CDH2: variants seen among roughly 807,000 people sequenced by gnomAD.
CDH2 encodes cadherin-2.
CDH2 carries 17 observed loss-of-function variants against 92.0 expected under a neutral mutation model. That is an observed-to-expected ratio of 0.18 (90% CI 0.13 to 0.28). CDH2 has a LOEUF of 0.28. Ranked by LOEUF, CDH2 falls within the 10% of genes least tolerant of loss-of-function variation. The pLI is 1.00. For synonymous variants in CDH2, 419 were observed against 415.9 expected (o/e 1.01, Z -0.09); for missense variants, 862 against 1,133.1 (o/e 0.76, Z 3.44).
intron 2 of CDH2, among the ~76,000 whole-genome samples, chr18:28,136,918 C>G: frequency 6.6e-6 from 1 of 152,108 alleles, no homozygotes; most frequent in East Asian, 1.9e-4. Flanking sequence ...TTTTAACAAG[C>G]TTCCCCAGAA....
intron 2 of CDH2, among the ~76,000 whole-genome samples, chr18:28,034,800 G>A (rs17445980): frequency 2.5e-3 from 386 of 152,000 alleles, no homozygotes; most frequent in Non-Finnish European, 4.5e-3. Context: ...TCAAAACTAC[G>A]GTGTTACAAT....
intron 2 of CDH2, among the ~76,000 whole-genome samples, chr18:28,103,826 T>C (rs2015276647): frequency 6.6e-6 from 1 of 152,166 alleles, no homozygotes; most frequent in Admixed American, 6.6e-5. Context: ...GCAAAGGACA[T>C]GAACTCATAC....
chr18:28,107,139 G>T (rs1440917892), intron 2 of CDH2, among the ~76,000 whole-genome samples: 1 of 151,890 alleles, frequency 6.6e-6, no homozygotes, highest in African/African-American at 2.4e-5. Flanking sequence ...CACCATTTCA[G>T]ACTACAAAAT....
chr18:27,975,953 C>A (rs979082686), intron 14 of CDH2, among the ~76,000 whole-genome samples: 12 of 152,192 alleles, frequency 7.9e-5, no homozygotes, highest in African/African-American at 2.9e-4. Flanking sequence ...AAATGCCTCT[C>A]TCTGACATCC....
At chr18:28,165,062 T>A (rs1434292994) in intron 1 of CDH2, among the ~76,000 whole-genome samples, 3 of 152,228 alleles carry the variant, frequency 2.0e-5, no homozygotes, top group South Asian at 4.1e-4. Flanking sequence ...CTCAAACTTA[T>A]TCAAACAATT....
At chr18:28,118,113 T>A (rs543528210) in intron 2 of CDH2, among the ~76,000 whole-genome samples, 115 of 149,896 alleles carry the variant, frequency 7.7e-4, no homozygotes, top group Middle Eastern at 3.4e-3. Context: ...TTTTTTTTTT[T>A]AAATATATCC....
At chr18:28,175,286 G>C (rs530910706) in intron 1 of CDH2, among the ~76,000 whole-genome samples, 2 of 152,214 alleles carry the variant, frequency 1.3e-5, no homozygotes, top group African/African-American at 4.8e-5. Context: ...TAATAGTTCT[G>C]AAATCCCCGA....
intron 1 of CDH2, among the ~76,000 whole-genome samples, chr18:28,158,643 T>C (rs1308250870): frequency 1.3e-5 from 2 of 152,000 alleles, no homozygotes; most frequent in African/African-American, 2.4e-5. Context: ...CTCCTAGGAG[T>C]TCCCACGACC....
At chr18:28,150,308 A>T (rs1421964918) in intron 1 of CDH2, among the ~76,000 whole-genome samples, 1 of 152,196 alleles carries the variant, frequency 6.6e-6, no homozygotes, top group Admixed American at 6.5e-5. Context: ...GGGGGCGTTC[A>T]GGGTAGTAGA....
intron 1 of CDH2, among the ~76,000 whole-genome samples, chr18:28,148,468 T>C (rs1163978869): frequency 6.6e-6 from 1 of 152,202 alleles, no homozygotes; most frequent in African/African-American, 2.4e-5. Flanking sequence ...CTCAGTGTGC[T>C]TAAAACTCAG....
rs566866665 is a variant in CDH2 at position 28,155,221 on chromosome 18, G to A, written c.61-7437C>T. Among the ~76,000 whole-genome samples the A allele has an allele frequency of 7.9e-5, 12 of 152,254 alleles. No homozygotes were observed. The East Asian group carries it at 2.1e-3, about 27-fold the overall frequency. ...CCAGCCTCCACCATCTACTACCTGT[G>A]TGACCTTGGCAAGCCATGTAACCTC... is the stretch of plus-strand genomic sequence containing the variant. On this transcript the variant is annotated intron_variant, in intron 1 of 15. Transcript: ENST00000269141.
intron 2 of CDH2, among the ~76,000 whole-genome samples, chr18:28,073,784 TCTA>T (rs1021738975): frequency 6.6e-6 from 1 of 152,162 alleles, no homozygotes; most frequent in African/African-American, 2.4e-5. Context: ...AGTTTGATAT[TCTA>T]CTAGCCATGT....
chr18:28,047,256 T>C (rs2014095070), intron 2 of CDH2, among the ~76,000 whole-genome samples: 1 of 152,154 alleles, frequency 6.6e-6, no homozygotes, highest in Admixed American at 6.6e-5. Flanking sequence ...GAGATACTGA[T>C]TAAAATTAGA....
intron 2 of CDH2, among the ~76,000 whole-genome samples, chr18:28,056,857 A>C (rs2014302619): frequency 6.6e-6 from 1 of 152,208 alleles, no homozygotes; most frequent in Non-Finnish European, 1.5e-5. Context: ...AGCACTGTCA[A>C]ATAAAAGTGA....
At chr18:27,938,162 C>T (rs972402487) in intron 6 of CDH2, among the ~76,000 whole-genome samples, 3 of 152,058 alleles carry the variant, frequency 2.0e-5, no homozygotes, top group South Asian at 2.1e-4. Context: ...GCTGGCTCCC[C>T]CTTCGCCTTC....
At chr18:28,149,509 C>T (rs2016088348) in intron 1 of CDH2, among the ~76,000 whole-genome samples, 1 of 152,068 alleles carries the variant, frequency 6.6e-6, no homozygotes, top group South Asian at 2.1e-4. Flanking sequence ...TGTGTGACAT[C>T]CCAAATTCAG....
At chr18:28,153,711 A>G (rs1306332935) in intron 1 of CDH2, among the ~76,000 whole-genome samples, 4 of 152,250 alleles carry the variant, frequency 2.6e-5, no homozygotes, top group African/African-American at 9.6e-5. Context: ...CAAGAGTACT[A>G]AAGACAGCAC....
chr18:27,982,742 T>G (rs1024686717), intron 14 of CDH2, among the ~76,000 whole-genome samples: 1 of 151,994 alleles, frequency 6.6e-6, no homozygotes, highest in Non-Finnish European at 1.5e-5. Context: ...GTTTTTTTTT[T>G]TTTTACAAAA....
chr18:28,104,285 A>C (rs1418273136), intron 2 of CDH2, among the ~76,000 whole-genome samples: 1 of 152,218 alleles, frequency 6.6e-6, no homozygotes, highest in Non-Finnish European at 1.5e-5. Context: ...TCTTCTGAAG[A>C]AACTGACTAA....
Sources: gnomAD v4.1 joint callset for allele counts (sites outside exome capture counted in the v4.1 genomes callset) on GRCh38, gnomAD v4.1.1 for gene constraint, MANE v1.5 for transcripts, NCBI Gene and HGNC (gene_info 2026-07-23, HGNC 2026-07-21) for gene names.